The following TMEM108 variants were observed in gnomAD, a reference collection of about 807,000 sequenced individuals.
TMEM108 encodes cancer/testis antigen 124.
Under a neutral mutation model 35.1 loss-of-function variants are expected in TMEM108, and 12 were observed. The observed-to-expected ratio is 0.34, with a 90% CI of 0.22 to 0.55. The LOEUF (loss-of-function observed/expected upper bound fraction) is 0.55, where lower values mean the gene tolerates loss of function less well. TMEM108 is among the 20% of genes least tolerant of loss of function. The pLI, the probability that TMEM108 is intolerant of heterozygous loss-of-function variation, is 0.89. For synonymous variants in TMEM108, 287 were observed against 308.6 expected (o/e 0.93, Z 0.73); for missense variants, 680 against 753.3 (o/e 0.90, Z 1.14).
chr3:133,084,792 A>G (rs913260523), intron 2 of TMEM108, among the ~76,000 whole-genome samples: 1 of 152,204 alleles, frequency 6.6e-6, no homozygotes, highest in African/African-American at 2.4e-5. Context: ...GGCACACAGC[A>G]CAGGGAGATA....
intron 2 of TMEM108, among the ~76,000 whole-genome samples, chr3:133,051,638 A>G (rs936806588): frequency 6.6e-6 from 1 of 152,030 alleles, no homozygotes; most frequent in Admixed American, 6.6e-5. Context: ...TGAGTTTTAT[A>G]GTTTTGTCCT....
At chr3:133,330,779 A>G (rs1231795060) in intron 3 of TMEM108, among the ~76,000 whole-genome samples, 1 of 151,906 alleles carries the variant, frequency 6.6e-6, no homozygotes, top group Non-Finnish European at 1.5e-5. Context: ...GTTCAATTCT[A>G]TGGAAACTAG....
At chr3:133,176,733 C>T (rs1299770784) in intron 2 of TMEM108, among the ~76,000 whole-genome samples, 2 of 152,094 alleles carry the variant, frequency 1.3e-5, no homozygotes, top group African/African-American at 2.4e-5. Context: ...CTAAAATCGA[C>T]ACCAACATCA....
intron 2 of TMEM108, among the ~76,000 whole-genome samples, chr3:133,094,918 C>A (rs935136273): frequency 6.6e-6 from 1 of 152,074 alleles, no homozygotes; most frequent in East Asian, 1.9e-4. Flanking sequence ...ATTTGTATCC[C>A]AATGCCTGGT....
chr3:133,177,710 T>G (rs1224148361), intron 2 of TMEM108, among the ~76,000 whole-genome samples: 5 of 151,326 alleles, frequency 3.3e-5, no homozygotes, highest in African/African-American at 9.7e-5. Flanking sequence ...AATATCATAC[T>G]GAATGGGCAA....
chr3:133,268,891 C>T (rs751576998), intron 3 of TMEM108, among the ~76,000 whole-genome samples: 7 of 152,186 alleles, frequency 4.6e-5, no homozygotes, highest in Non-Finnish European at 8.8e-5. Flanking sequence ...TTCCAGATGA[C>T]CTTTCCAAGC....
At chr3:133,247,598 A>G (rs961313627) in intron 3 of TMEM108, 2 of 151,530 alleles carry the variant, frequency 1.3e-5, no homozygotes, top group Non-Finnish European at 2.9e-5. Flanking sequence ...CAAAAGGACT[A>G]TTTTCAATCC....
intron 2 of TMEM108, among the ~76,000 whole-genome samples, chr3:133,104,952 A>G (rs1446408199): frequency 6.6e-6 from 1 of 152,094 alleles, no homozygotes; most frequent in African/African-American, 2.4e-5. Context: ...TTCATCCCCT[A>G]TCCACCTGGG....
rs559816495 is a variant in TMEM108, at chr3:133,069,048, T to C, written c.-47+23028T>C. Among the ~76,000 whole-genome samples the C allele has an allele frequency of 2.6e-5, 4 of 152,238 alleles. No individual in the cohort carries two copies. In the South Asian group the frequency reaches 8.3e-4, roughly 32 times the overall value. On this transcript the variant is annotated intron_variant, in intron 2 of 5. Coordinates refer to ENST00000321871, the MANE Select transcript of TMEM108 (RefSeq NM_023943.4). ...ACAAAGGAAGGCTGGGAAATGAATT[T>C]AGAGAGACAGAGAAAGCTGTTGCCA... is the stretch of plus-strand genomic sequence containing the variant.
intron 2 of TMEM108, among the ~76,000 whole-genome samples, chr3:133,081,157 G>C (rs1943805943): frequency 6.6e-6 from 1 of 152,226 alleles, no homozygotes; most frequent in African/African-American, 2.4e-5. Flanking sequence ...TTCACTGGAA[G>C]ATGACTGTCC....
chr3:133,250,416 T>G (rs953144088), intron 3 of TMEM108, among the ~76,000 whole-genome samples: 3 of 152,256 alleles, frequency 2.0e-5, no homozygotes, highest in Admixed American at 2.0e-4. Flanking sequence ...TCTAGCTTAC[T>G]TTATTGTAAG....
At chr3:133,381,269 A>G in intron 4 of TMEM108, 108 bp downstream of exon 4, 1 of 1,224,306 alleles carries the variant, frequency 8.2e-7, no homozygotes, top group South Asian at 1.6e-5. Context: ...GGCTACAAAA[A>G]TTCCCAGAAT....
chr3:133,051,185 C>T (rs1028799721), intron 2 of TMEM108, among the ~76,000 whole-genome samples: 8 of 151,960 alleles, frequency 5.3e-5, no homozygotes, highest in Admixed American at 6.6e-5. Flanking sequence ...GTATTGTCAG[C>T]GTTTCAGATT....
chr3:133,172,769 A>T (rs1945149238), intron 2 of TMEM108, among the ~76,000 whole-genome samples: 1 of 152,202 alleles, frequency 6.6e-6, no homozygotes, highest in Non-Finnish European at 1.5e-5. Context: ...CTGTGTCACC[A>T]CCCAAATCTC....
chr3:133,227,527 G>A (rs2107650989), intron 2 of TMEM108, among the ~76,000 whole-genome samples: 1 of 151,550 alleles, frequency 6.6e-6, no homozygotes, highest in African/African-American at 2.4e-5. Flanking sequence ...TAGAGTGTCT[G>A]TGAGGTAGGT....
intron 3 of TMEM108, among the ~76,000 whole-genome samples, chr3:133,258,120 G>T (rs530220112): frequency 4.3e-4 from 65 of 152,230 alleles, no homozygotes; most frequent in African/African-American, 1.5e-3. Flanking sequence ...CATGAGGGTG[G>T]ATCCCTCGTG....
intron 4 of TMEM108, among the ~76,000 whole-genome samples, chr3:133,381,585 T>C (rs2073014097): frequency 6.6e-6 from 1 of 152,206 alleles, no homozygotes; most frequent in Non-Finnish European, 1.5e-5. Context: ...CCAATGCCTC[T>C]AGCAACCTGG....
rs59374214 is a variant in TMEM108, at chr3:133,360,007, T to TAA, written c.41-19726_41-19725dup. Among the ~76,000 whole-genome samples, 698 of 112,816 alleles carry TAA rather than the reference T, an allele frequency of 6.2e-3. 8 individuals carry two copies. The highest frequency in any genetic ancestry group is 0.038 in the East Asian group (160 of 4,156). The allele number at this position is 112,816 out of a possible 152,430, so 74.0% of individuals were successfully genotyped here. ...CTGTAATGGAATACTACTCAACAGTTAAAAAAAAAAAAAAAAAAAAGCAAA... is the reference window on the plus strand; with the variant it reads ...CTGTAATGGAATACTACTCAACAGTTAAAAAAAAAAAAAAAAAAAAAAGCAAA... On this transcript the variant is annotated intron_variant, in intron 3 of 5. Coordinates refer to ENST00000321871, the MANE Select transcript of TMEM108 (RefSeq NM_023943.4).
intron 2 of TMEM108, among the ~76,000 whole-genome samples, chr3:133,219,979 A>C (rs926364035): frequency 6.6e-6 from 1 of 151,698 alleles, no homozygotes; most frequent in South Asian, 2.1e-4. Context: ...TTTTTTATGT[A>C]TGTAGGTGCT....
Sources: gnomAD v4.1 joint callset for allele counts (sites outside exome capture counted in the v4.1 genomes callset) on GRCh38, gnomAD v4.1.1 for gene constraint, MANE v1.5 for transcripts, NCBI Gene and HGNC (gene_info 2026-07-23, HGNC 2026-07-21) for gene names.